Variants in PCBP3 observed in about 807,000 individuals in gnomAD.
PCBP3 encodes the protein poly(rC)-binding protein 3.
A neutral mutation model predicts 52.7 loss-of-function variants in PCBP3; 25 were observed. The observed-to-expected ratio is 0.47, with a 90% CI of 0.35 to 0.66. The LOEUF is 0.66. PCBP3 is among the 30% of genes least tolerant of loss of function. The pLI is 0.01. For missense variants in PCBP3, 391 were observed against 490.3 expected (o/e 0.80, Z 1.91); for synonymous variants, 162 against 183.0 (o/e 0.89, Z 0.93).
At chr21:45,897,618 G>C (rs542150077) in intron 6 of PCBP3, among the ~76,000 whole-genome samples, 1 of 152,098 alleles carries the variant, frequency 6.6e-6, no homozygotes, top group East Asian at 1.9e-4. Context: ...CCCAAGGCCC[G>C]ACGAGTCCCT....
intron 2 of PCBP3, among the ~76,000 whole-genome samples, chr21:45,673,323 G>A (rs2081283633): frequency 6.6e-6 from 1 of 152,324 alleles, no homozygotes; most frequent in South Asian, 2.1e-4. Context: ...TCACAAAGGT[G>A]TGGTATGGCA....
rs943722899 is a variant in PCBP3, at chr21:45,904,038, C to T, written c.339+2925C>T. 1.3e-5 allele frequency among the ~76,000 whole-genome samples: 2 copies of T among 152,174 alleles called. No homozygotes were observed. The highest frequency in any genetic ancestry group is 2.9e-5 in the Non-Finnish European group (2 of 68,028). The stretch of plus-strand genomic sequence containing the variant: ...GTTTAGAGAAACAGATTTTCTCTGA[C>T]GTCCCTTCCAGTAGACAAAATCTCC... On this transcript the variant is annotated intron_variant, in intron 9 of 17. Coordinates refer to ENST00000681687, the MANE Select transcript of PCBP3 (RefSeq NM_001384156.1). The surrounding 1 kb of genome is among the most constrained non-coding windows in gnomAD (Gnocchi z 4.8).
intron 2 of PCBP3, among the ~76,000 whole-genome samples, chr21:45,672,150 G>A (rs4347938): frequency 0.16 from 24,027 of 151,942 alleles, 2,012 homozygotes; most frequent in Middle Eastern, 0.31. Flanking sequence ...ATAAAAAGAG[G>A]AAGAGAGACC....
chr21:45,722,910 A>G (rs1438334458), intron 2 of PCBP3, among the ~76,000 whole-genome samples: 1 of 151,884 alleles, frequency 6.6e-6, no homozygotes, highest in Non-Finnish European at 1.5e-5. Context: ...GCTGCTTGGG[A>G]GGCTGAGGCA....
chr21:45,936,743 C>T (rs1367938679), intron 16 of PCBP3, among the ~76,000 whole-genome samples: 1 of 152,226 alleles, frequency 6.6e-6, no homozygotes, highest in Non-Finnish European at 1.5e-5. Context: ...TATCCAAACA[C>T]TCATTTAAAA....
intron 4 of PCBP3, among the ~76,000 whole-genome samples, chr21:45,796,809 A>G (rs2091941873): frequency 6.6e-6 from 1 of 151,990 alleles, no homozygotes; most frequent in Non-Finnish European, 1.5e-5. Context: ...TTTGTCTTTT[A>G]AAAAACTTTG....
At position 45,941,961 on chromosome 21, in the gene PCBP3, C is replaced by A; in HGVS notation, c.*255C>A. 4.8e-6 allele frequency: 2 copies of A among 417,518 alleles called. No individual in the cohort carries two copies. The highest frequency in any genetic ancestry group is 8.4e-6 in the Non-Finnish European group (2 of 237,598). The allele number at this position is 417,518 out of a possible 1,614,324, so 25.9% of individuals were successfully genotyped here. ...ACGCTCCCGTCTGCCCATGCACCGG[C>A]ATGCAGTGGTAATTATTTTAGAAAT... On this transcript the variant is annotated 3_prime_UTR_variant, in exon 18 of 18. Transcript: ENST00000681687.
chr21:45,863,271 G>A (rs1365635205), intron 5 of PCBP3, among the ~76,000 whole-genome samples: 1 of 152,220 alleles, frequency 6.6e-6, no homozygotes, highest in Admixed American at 6.5e-5. Flanking sequence ...GGTCAGCCCC[G>A]CTGTCCGGGT....
intron 2 of PCBP3, among the ~76,000 whole-genome samples, chr21:45,675,897 A>C (rs1331982272): frequency 1.3e-5 from 2 of 152,214 alleles, no homozygotes; most frequent in Non-Finnish European, 2.9e-5. Context: ...ACTCGCATAC[A>C]AAAAGCCAAC....
At chr21:45,850,174 A>G (rs1360833069) in intron 5 of PCBP3, 79 bp downstream of exon 5, 1 of 1,200,030 alleles carries the variant, frequency 8.3e-7, no homozygotes, top group East Asian at 2.5e-5. Context: ...CCCTTGACAA[A>G]TGAAATCTGT....
At chr21:45,939,935 G>A (rs1603578231) in intron 16 of PCBP3, 95 bp from the exon 17 acceptor site, 9 of 1,139,132 alleles carry the variant, frequency 7.9e-6, no homozygotes, top group Admixed American at 3.8e-5. Flanking sequence ...CAAGGCTGGC[G>A]GCCCGTCCCA....
At chr21:45,869,837 T>C (rs1021255923) in intron 5 of PCBP3, among the ~76,000 whole-genome samples, 1 of 152,174 alleles carries the variant, frequency 6.6e-6, no homozygotes, top group Non-Finnish European at 1.5e-5. Context: ...TGCGTATGCA[T>C]TCCCTCGCAG....
chr21:45,745,779 A>T (rs2086782790), intron 3 of PCBP3, among the ~76,000 whole-genome samples: 1 of 152,246 alleles, frequency 6.6e-6, no homozygotes, highest in African/African-American at 2.4e-5. Context: ...ATGAGGACAT[A>T]GGAGGCACTG....
chr21:45,896,139 C>A, intron 5 of PCBP3, 69 bp from the exon 6 acceptor site: 1 of 1,466,596 alleles, frequency 6.8e-7, no homozygotes. Context: ...GGGAGCGGCC[C>A]AGGACACCCC....
At chr21:45,920,315 G>A (rs1053645792) in intron 13 of PCBP3, among the ~76,000 whole-genome samples, 3 of 152,236 alleles carry the variant, frequency 2.0e-5, no homozygotes, top group Admixed American at 6.5e-5. Context: ...TCCAGAGGCC[G>A]TGGCTGTGTG....
chr21:45,683,836 G>A (rs189104212), intron 2 of PCBP3, among the ~76,000 whole-genome samples: 2 of 152,070 alleles, frequency 1.3e-5, no homozygotes, highest in Non-Finnish European at 2.9e-5. Flanking sequence ...TGAGGCAGGA[G>A]AATGGCATGA....
chr21:45,675,036 G>A (rs1367394370), intron 2 of PCBP3, among the ~76,000 whole-genome samples: 1 of 152,234 alleles, frequency 6.6e-6, no homozygotes, highest in African/African-American at 2.4e-5. Flanking sequence ...ATGCCCTGGA[G>A]CCTGTGGAGT....
intron 2 of PCBP3, chr21:45,673,877 T>C (rs1477009195): frequency 1.3e-5 from 2 of 152,164 alleles, no homozygotes; most frequent in African/African-American, 4.8e-5. Flanking sequence ...TTTTACTTAG[T>C]TGGGTGCTCT....
rs546390487 is a variant in PCBP3, at chr21:45,780,420, T to G, written c.-126+24968T>G. On this transcript the variant is annotated intron_variant, in intron 4 of 17. Coordinates refer to ENST00000681687, the MANE Select transcript of PCBP3 (RefSeq NM_001384156.1). The stretch of plus-strand genomic sequence containing the variant: ...AAGGTCATAGATGTTTACAGTATAC[T>G]TTAATGGGATTCTTCTTTATCCTGA... Among the ~76,000 whole-genome samples, 8 of 152,396 alleles carry G rather than the reference T, an allele frequency of 5.2e-5. No individual in the cohort carries two copies. The South Asian group carries it at 1.7e-3, about 32-fold the overall frequency.
Sources: allele counts gnomAD v4.1 joint callset (sites outside exome capture counted in the v4.1 genomes callset), GRCh38; gene constraint gnomAD v4.1.1; non-coding constraint Gnocchi (gnomAD v3.1); transcripts MANE v1.5; gene names NCBI Gene and HGNC (gene_info 2026-07-23, HGNC 2026-07-21).